DYNC1LI2: variants seen among roughly 807,000 people sequenced by gnomAD.
DYNC1LI2 encodes dynein cytoplasmic 1 light intermediate chain 2, also known as cytoplasmic dynein 1 light intermediate chain 2.
A neutral mutation model predicts 57.8 loss-of-function variants in DYNC1LI2; 19 were observed. The observed-to-expected ratio is 0.33, with a 90% CI of 0.23 to 0.48. The LOEUF (loss-of-function observed/expected upper bound fraction) is 0.48. Among genes scored for constraint, DYNC1LI2 ranks in the 20% least tolerant of loss-of-function variants. The pLI, the probability that DYNC1LI2 is intolerant of heterozygous loss-of-function variation, is 0.99. For synonymous variants in DYNC1LI2, 256 were observed against 233.4 expected (o/e 1.10, Z -0.88); for missense variants, 470 against 604.2 (o/e 0.78, Z 2.33).
chr16:66,741,269 A>ACTCAGAAC (rs916410238), intron 4 of DYNC1LI2, among the ~76,000 whole-genome samples: 2 of 152,166 alleles, frequency 1.3e-5, no homozygotes, highest in African/African-American at 4.8e-5. Flanking sequence ...AGGTCTTCAG[A>ACTCAGAAC]CTCAGAACTA....
At chr16:66,741,387 C>T (rs968868346) in intron 4 of DYNC1LI2, among the ~76,000 whole-genome samples, 37 of 152,336 alleles carry the variant, frequency 2.4e-4, no homozygotes, top group African/African-American at 6.7e-4. Context: ...ATCACAGTAG[C>T]ACACATGCGG....
At chr16:66,739,675 C>T (rs1206853436) in intron 4 of DYNC1LI2, among the ~76,000 whole-genome samples, 1 of 152,198 alleles carries the variant, frequency 6.6e-6, no homozygotes, top group African/African-American at 2.4e-5. Context: ...AATTGGCCCA[C>T]TTCAGCTTCC....
intron 3 of DYNC1LI2, among the ~76,000 whole-genome samples, chr16:66,747,665 G>T (rs1398008612): frequency 6.6e-6 from 1 of 151,212 alleles, no homozygotes; most frequent in Non-Finnish European, 1.5e-5. Context: ...CACCTCCTGG[G>T]TTCAAGTGAT....
chr16:66,747,082 A>AATT (rs1555506377), intron 3 of DYNC1LI2, among the ~76,000 whole-genome samples: 31 of 142,868 alleles, frequency 2.2e-4, no homozygotes, highest in African/African-American at 8.0e-4. Context: ...TGCCCTCAAC[A>AATT]TTTTTTTTTT....
intron 5 of DYNC1LI2, among the ~76,000 whole-genome samples, chr16:66,734,762 CA>C (rs1325728330): frequency 2.0e-5 from 3 of 151,852 alleles, no homozygotes; most frequent in African/African-American, 7.3e-5. Flanking sequence ...TCTGGGAGGT[CA>C]AGGTGGGCAG....
In DYNC1LI2 at chr16:66,727,737, A is replaced by G; in HGVS notation, c.1212T>C (p.Pro404=). ...TTACTGACGTGCCTGGGGAGGAGCT[A>G]GGCACACTGGCTGGCCCTCCCCGAC... ...TQGRGGPASV[P]SSSPGTSVKK... Residue 404 remains proline (P), a synonymous_variant, in exon 11 of 13, where the codon CCT becomes CCC. Transcript: ENST00000258198. 6.2e-7 allele frequency: 1 copy of G among 1,614,124 alleles called. No individual in the cohort carries two copies. Among genetic ancestry groups the G allele is most frequent in the Non-Finnish European group, 8.5e-7 (1 of 1,179,994 alleles).
chr16:66,741,897 C>CAAAAAAAAAAAAAAA (rs66527903), intron 4 of DYNC1LI2, among the ~76,000 whole-genome samples: 4 of 106,848 alleles, frequency 3.7e-5, no homozygotes, highest in African/African-American at 7.2e-5. Flanking sequence ...ATGTTAATTA[C>CAAAAAAAAAAAAAAA]AAAAAAAAAA....
chr16:66,748,301 A>C (rs1052196069), intron 3 of DYNC1LI2, among the ~76,000 whole-genome samples: 1 of 126,010 alleles, frequency 7.9e-6, no homozygotes, highest in Non-Finnish European at 1.7e-5. Flanking sequence ...AAAAAAAAAA[A>C]AAAACTAACA....
intron 5 of DYNC1LI2, among the ~76,000 whole-genome samples, chr16:66,734,589 G>A (rs1012034448): frequency 6.6e-6 from 1 of 151,954 alleles, no homozygotes; most frequent in African/African-American, 2.4e-5. Context: ...GGCAGGCCCG[G>A]TGTACACAGT....
intron 12 of DYNC1LI2, 39 bp downstream of exon 12, chr16:66,725,789 C>T: frequency 6.3e-7 from 1 of 1,598,060 alleles, no homozygotes; most frequent in Non-Finnish European, 8.5e-7. Flanking sequence ...CAGCACTACT[C>T]AACCACAAGA....
In DYNC1LI2 at chr16:66,747,419, C is replaced by T. The variant is rs527916568; in HGVS notation, c.298+1778G>A. On this transcript the variant is annotated intron_variant, in intron 3 of 12. Coordinates refer to ENST00000258198, the MANE Select transcript of DYNC1LI2 (RefSeq NM_006141.3). ...ACAGCTCTTGGAGATGGTAGAATTACGGTGCTGGAAAGGACCTTGGTTCAA... is the reference window on the plus strand; with the variant it reads ...ACAGCTCTTGGAGATGGTAGAATTATGGTGCTGGAAAGGACCTTGGTTCAA... Among the ~76,000 whole-genome samples the T allele has an allele frequency of 5.9e-5, 9 of 152,138 alleles. No homozygotes were observed. In the South Asian group the frequency reaches 1.2e-3, roughly 21 times the overall value.
chr16:66,730,335 A>C, intron 7 of DYNC1LI2, 112 bp from the exon 8 acceptor site: 1 of 878,246 alleles, frequency 1.1e-6, no homozygotes, highest in Non-Finnish European at 1.7e-6. Context: ...TATAGTGTGT[A>C]GTTGTTGGGG....
At chr16:66,746,353 G>A (rs2017935403) in intron 3 of DYNC1LI2, among the ~76,000 whole-genome samples, 1 of 152,148 alleles carries the variant, frequency 6.6e-6, no homozygotes, top group Admixed American at 6.5e-5. Context: ...ACAAGCCAGA[G>A]ACTGTTTTCT....
chr16:66,742,639 C>T lies in DYNC1LI2; in HGVS notation c.328G>A (p.Asp110Asn). 1 of 1,614,210 alleles carries T rather than the reference C, an allele frequency of 6.2e-7. No homozygotes were observed. The highest frequency in any genetic ancestry group is 8.5e-7 in the Non-Finnish European group (1 of 1,180,044). ...AGGCCTTTGTGGTACAAGTCTCCATCCAGAATCCACACGTTGCAGCGCGTG... is the reference window on the plus strand; with the variant it reads ...AGGCCTTTGTGGTACAAGTCTCCATTCAGAATCCACACGTTGCAGCGCGTG... ...DHTRCNVWIL[D>N]GDLYHKGLLK... The change falls in exon 4 of 13, where the codon GAT becomes AAT. Residue 110 changes from aspartate (D) to asparagine (N), a missense_variant. Asp to Asn is a conservative substitution (Grantham distance 23). Transcript: ENST00000258198.
In DYNC1LI2 at chr16:66,725,960, G is replaced by A. The variant is rs368490019; in HGVS notation, c.1262-16C>T. On this transcript the variant is annotated splice_polypyrimidine_tract_variant and intron_variant, in intron 11 of 12. Transcript: ENST00000258198. ...GCTGCATTATCTAAGGAAAATTAAA[G>A]AGAAAAAAAAGCATCATATAAACTG... is the stretch of plus-strand genomic sequence containing the variant. The A allele has an allele frequency of 9.4e-6, 15 of 1,598,560 alleles. No homozygotes were observed. Among genetic ancestry groups the A allele is most frequent in the Middle Eastern group, 1.7e-4 (1 of 5,962 alleles).
intron 7 of DYNC1LI2, chr16:66,730,839 C>CA (rs1364075981): frequency 6.6e-6 from 1 of 152,284 alleles, no homozygotes; most frequent in African/African-American, 2.4e-5. Context: ...GGTAGGATGG[C>CA]ACCCAAGTTC....
Position 66,723,123 on chromosome 16 carries a change from T to C in DYNC1LI2, c.*599A>G. ...GTTAAAGATGCATTCAAAATAAGCC[T>C]AATTCCCATTTTGCTTAGTGTTTTG... On this transcript the variant is annotated 3_prime_UTR_variant, in exon 13 of 13. Transcript: ENST00000258198. 5.8e-6 allele frequency: 2 copies of C among 346,200 alleles called. No homozygotes were observed. The highest frequency in any genetic ancestry group is 1.2e-5 in the Non-Finnish European group (2 of 173,668). The allele number at this position is 346,200 out of a possible 1,614,324, so 21.4% of individuals were successfully genotyped here.
chr16:66,729,363 C>G (rs2017593003), intron 8 of DYNC1LI2, among the ~76,000 whole-genome samples: 1 of 152,134 alleles, frequency 6.6e-6, no homozygotes, highest in South Asian at 2.1e-4. Context: ...GATCCAGTAA[C>G]AGTAATCCAG....
chr16:66,736,317 G>A (rs2017733721), intron 4 of DYNC1LI2, 73 bp from the exon 5 acceptor site: 1 of 1,543,704 alleles, frequency 6.5e-7, no homozygotes, highest in Non-Finnish European at 8.8e-7. Flanking sequence ...ACACTGAAAA[G>A]AAGGCAATAA....
Sources: allele counts gnomAD v4.1 joint callset (sites outside exome capture counted in the v4.1 genomes callset), GRCh38; gene constraint gnomAD v4.1.1; transcripts MANE v1.5; gene names NCBI Gene and HGNC (gene_info 2026-07-23, HGNC 2026-07-21).